REDIC1: variants seen among roughly 807,000 people sequenced by gnomAD.
REDIC1 encodes HEI10 Interacting Protein 1.
At chr12:39,826,684 T>A in the REDIC1 span, among the ~76,000 whole-genome samples, 1 of 151,314 alleles carries the variant, frequency 6.6e-6, no homozygotes, top group Non-Finnish European at 1.5e-5. Flanking sequence ...TCCTATGTCA[T>A]TTCTCTAAAA....
the REDIC1 span, among the ~76,000 whole-genome samples, chr12:39,835,064 G>C: frequency 6.6e-6 from 1 of 152,062 alleles, no homozygotes; most frequent in African/African-American, 2.4e-5. Flanking sequence ...TATAAAAACT[G>C]AGAATTTAAA....
the REDIC1 span, among the ~76,000 whole-genome samples, chr12:39,731,168 C>G: frequency 6.6e-6 from 1 of 152,134 alleles, no homozygotes; most frequent in African/African-American, 2.4e-5. Flanking sequence ...ATTCATCAAA[C>G]TCATTCTCTG....
chr12:39,735,088 T>G, the REDIC1 span, among the ~76,000 whole-genome samples: 4 of 152,340 alleles, frequency 2.6e-5, no homozygotes, highest in East Asian at 7.7e-4. Context: ...GAGAAGTTGT[T>G]TAACCCATAG....
chr12:39,844,726 C>T, the REDIC1 span, among the ~76,000 whole-genome samples: 9 of 152,168 alleles, frequency 5.9e-5, no homozygotes, highest in Admixed American at 3.9e-4. Context: ...GGGGTCTCTA[C>T]TCAACTCAGT....
At chr12:39,686,258 C>T in the REDIC1 span, among the ~76,000 whole-genome samples, 1 of 152,236 alleles carries the variant, frequency 6.6e-6, no homozygotes, top group Non-Finnish European at 1.5e-5. Flanking sequence ...AGAGGTTATC[C>T]ATGATAGTTC....
the REDIC1 span, among the ~76,000 whole-genome samples, chr12:39,820,517 A>G: frequency 6.6e-6 from 1 of 152,128 alleles, no homozygotes; most frequent in Non-Finnish European, 1.5e-5. Flanking sequence ...TTATAAAACT[A>G]GCACTGAAAC....
At chr12:39,666,957 TTTC>T in the REDIC1 span, among the ~76,000 whole-genome samples, 2 of 152,214 alleles carry the variant, frequency 1.3e-5, no homozygotes, top group Non-Finnish European at 2.9e-5. Flanking sequence ...TCTTCTCTCT[TTTC>T]TTCTTTATTA....
chr12:39,773,446 G>A, the REDIC1 span, among the ~76,000 whole-genome samples: 52 of 152,132 alleles, frequency 3.4e-4, no homozygotes, highest in Non-Finnish European at 6.9e-4. Flanking sequence ...AGCTCCCTTT[G>A]AAGGTGGAAC....
chr12:39,760,490 T>C, the REDIC1 span, among the ~76,000 whole-genome samples: 1 of 152,024 alleles, frequency 6.6e-6, no homozygotes, highest in Non-Finnish European at 1.5e-5. Flanking sequence ...CAGGCTCAGA[T>C]GTAAGTTTGG....
the REDIC1 span, among the ~76,000 whole-genome samples, chr12:39,692,839 CT>C: frequency 1.3e-5 from 2 of 151,998 alleles, no homozygotes; most frequent in African/African-American, 2.4e-5. Flanking sequence ...ATGATATGCA[CT>C]TCTTTGCATC....
At chr12:39,805,534 G>C in the REDIC1 span, among the ~76,000 whole-genome samples, 1 of 151,176 alleles carries the variant, frequency 6.6e-6, no homozygotes, top group Non-Finnish European at 1.5e-5. Context: ...TTTCCCCAGA[G>C]ACTTTATTCC....
the REDIC1 span, among the ~76,000 whole-genome samples, chr12:39,858,933 A>G: frequency 6.6e-6 from 1 of 152,134 alleles, no homozygotes; most frequent in Admixed American, 6.5e-5. Context: ...AGGTTGCATA[A>G]AAGTTTTATG....
the REDIC1 span, among the ~76,000 whole-genome samples, chr12:39,814,382 A>G: frequency 1.3e-5 from 2 of 152,216 alleles, no homozygotes; most frequent in Admixed American, 1.3e-4. Flanking sequence ...TAGAGAGTAA[A>G]GAGAAAACAT....
At chr12:39,902,311 GC>G in the REDIC1 span, among the ~76,000 whole-genome samples, 27 of 151,470 alleles carry the variant, frequency 1.8e-4, no homozygotes, top group Admixed American at 1.8e-3. Flanking sequence ...TGCACATTGT[GC>G]AAATGTACCC....
chr12:39,762,927 C>CA, the REDIC1 span, among the ~76,000 whole-genome samples: 148,466 of 152,140 alleles, frequency 0.98, 72,444 homozygotes, highest in East Asian at 1. Flanking sequence ...TCATTTTTCT[C>CA]TGGTTTTCTG....
At chr12:39,840,212 A>T in the REDIC1 span, among the ~76,000 whole-genome samples, 1 of 151,826 alleles carries the variant, frequency 6.6e-6, no homozygotes, top group African/African-American at 2.4e-5. Context: ...TTGTATTATT[A>T]GTAGAGTTGG....
chr12:39,821,606 T>C, the REDIC1 span, among the ~76,000 whole-genome samples: 1 of 152,158 alleles, frequency 6.6e-6, no homozygotes, highest in Non-Finnish European at 1.5e-5. Flanking sequence ...CACATTTTCT[T>C]CACCCTGTGA....
At chr12:39,887,991 C>T in the REDIC1 span, among the ~76,000 whole-genome samples, 5 of 152,196 alleles carry the variant, frequency 3.3e-5, no homozygotes, top group Non-Finnish European at 7.3e-5. Context: ...CACCACCCCA[C>T]TCTCAGCCTT....
chr12:39,711,960 T>A, the REDIC1 span, among the ~76,000 whole-genome samples: 485 of 127,856 alleles, frequency 3.8e-3, 1 homozygote, highest in African/African-American at 0.014. Flanking sequence ...CATACATATA[T>A]ATCTATGTAT....
Sources: gnomAD v4.1 joint callset for allele counts (sites outside exome capture counted in the v4.1 genomes callset) on GRCh38, gnomAD v4.1.1 for gene constraint, MANE v1.5 for transcripts, NCBI Gene and HGNC (gene_info 2026-07-23, HGNC 2026-07-21) for gene names.